The following IGFLR1 variants were observed in gnomAD, a reference collection of about 807,000 sequenced individuals.
The protein encoded by IGFLR1 is IGF like family receptor 1, also known as IGF-like family receptor 1.
IGFLR1 carries 17 observed loss-of-function variants against 23.4 expected under a neutral mutation model. The observed-to-expected ratio is 0.73, with a 90% CI of 0.50 to 1.09. The LOEUF (loss-of-function observed/expected upper bound fraction) is 1.09. Among genes scored for constraint, IGFLR1 ranks in the 50% least tolerant of loss-of-function variants. The pLI is 0.00. For missense variants in IGFLR1, 556 were observed against 459.2 expected (o/e 1.21, Z -1.93); for synonymous variants, 265 against 210.7 (o/e 1.26, Z -2.23).
Position 35,739,702 on chromosome 19 carries a change from G to A in IGFLR1, c.721+8C>T. 1 of 1,557,444 alleles carries A rather than the reference G, an allele frequency of 6.4e-7. No homozygotes were observed. The highest frequency in any genetic ancestry group is 8.7e-7 in the Non-Finnish European group (1 of 1,148,888). ...CCTTCCCTGCCCCGGGGCTCCTCCA[G>A]GACTAACCCCTGCTCAGGAGTGGAA... On this transcript the variant is annotated splice_region_variant and intron_variant, in intron 4 of 4. Transcript: ENST00000246532.
Position 35,739,183 on chromosome 19 carries a change from C to G in IGFLR1, c.*97G>C, listed in dbSNP as rs1599708845. On this transcript the variant is annotated 3_prime_UTR_variant, in exon 5 of 5. Coordinates refer to ENST00000246532, the MANE Select transcript of IGFLR1 (RefSeq NM_024660.4). ...CTAGGGCGAAGAGCAGTGAGGCTAT[C>G]TGTTGGGTCTTTGCCCAATTAGGAT... 2 of 1,146,464 alleles carry G rather than the reference C, an allele frequency of 1.7e-6. No homozygotes were observed. The highest frequency in any genetic ancestry group is 2.4e-6 in the Non-Finnish European group (2 of 818,632). 71.0% of individuals were successfully genotyped at this position (1,146,464 alleles called of 1,614,324 possible).
rs923732396 is a variant in IGFLR1, at chr19:35,739,403, C to T, written c.945G>A (p.Met315Ile). Residue 315 changes from methionine (M) to isoleucine (I), a missense_variant, in exon 5 of 5, where the codon ATG becomes ATA. Met to Ile is a conservative substitution (Grantham distance 10, BLOSUM62 1). Coordinates refer to ENST00000246532, the MANE Select transcript of IGFLR1 (RefSeq NM_024660.4). ...AGGCAGAGGGCTCCCTTGCCACCAC[C>T]ATCTCAATCAGAGCCCGCAGCGGCG... Reference protein sequence around the residue: ...SRSPLRALIEMVVAREPSASL... With the variant: ...SRSPLRALIEIVVAREPSASL... 1 of 1,613,704 alleles carries T rather than the reference C, an allele frequency of 6.2e-7. No individual in the cohort carries two copies. Among genetic ancestry groups the T allele is most frequent in the Non-Finnish European group, 8.5e-7 (1 of 1,179,910 alleles).
rs778589269 is a variant in IGFLR1 at position 35,740,361 on chromosome 19, C to A, written c.342+19G>T. 1.7e-4 allele frequency: 258 copies of A among 1,554,246 alleles called. No homozygotes were observed. Among genetic ancestry groups the A allele is most frequent in the Non-Finnish European group, 2.1e-4 (247 of 1,151,086 alleles). ...CCACCTCCAGCACGCCCTTGCCCTG[C>A]CGGGAGTCCCATCTGCACCTCTCTG... On this transcript the variant is annotated intron_variant, in intron 3 of 4. Transcript: ENST00000246532.
chr19:35,739,935 C>T lies in IGFLR1; in HGVS notation c.496G>A (p.Val166Met), dbSNP rs771491347. 1.2e-6 allele frequency: 2 copies of T among 1,614,132 alleles called. No individual in the cohort carries two copies. Among genetic ancestry groups the T allele is most frequent in the Non-Finnish European group, 1.7e-6 (2 of 1,180,014 alleles). Residue 166 changes from valine to methionine, a missense_variant, in exon 4 of 5, where the codon GTG becomes ATG. Coordinates refer to ENST00000246532, the MANE Select transcript of IGFLR1 (RefSeq NM_024660.4). The part of the protein sequence containing the change: ...QAWPNFLPLV[V>M]LVLLLTLAVI... ...GCCAAGGTCAGGAGCAGGACCAGCA[C>T]CACGAGCGGAAGGAAATTCGGCCAG...
intron 2 of IGFLR1, chr19:35,740,816 T>C (rs1970183644): frequency 1.6e-6 from 1 of 643,146 alleles, no homozygotes; most frequent in Non-Finnish European, 2.6e-6. Context: ...CTATCCCGCC[T>C]CTCCAGCCAT....
rs200340760 is a variant in IGFLR1, at chr19:35,740,084, G to A, written c.347C>T (p.Pro116Leu). ...GGGGCAGTGCCCCTTGGCAGGGACCGGCCTCTGGGGATAAGGGGTTGGAGT... is the reference window on the plus strand; with the variant it reads ...GGGGCAGTGCCCCTTGGCAGGGACCAGCCTCTGGGGATAAGGGGTTGGAGT... ...GRTPWRCRERPVPAKGHCPLT... is the reference protein window; with the variant it reads ...GRTPWRCRERLVPAKGHCPLT... The change falls in exon 4 of 5, where the codon CCG (proline) becomes CTG (leucine). Residue 116 changes from proline (P) to leucine (L), a missense_variant. Coordinates refer to ENST00000246532, the MANE Select transcript of IGFLR1 (RefSeq NM_024660.4). 1.0e-4 allele frequency: 161 copies of A among 1,610,222 alleles called. 2 individuals are homozygous for A. The highest frequency in any genetic ancestry group is 1.1e-4 in the African/African-American group (8 of 74,904).
At chr19:35,740,129 C>A in intron 3 of IGFLR1, 41 bp from the exon 4 acceptor site, 1 of 1,553,510 alleles carries the variant, frequency 6.4e-7, no homozygotes, top group East Asian at 2.3e-5. Flanking sequence ...GGCCACACTC[C>A]ACTCCTGCCC....
intron 2 of IGFLR1, 49 bp downstream of exon 2, chr19:35,740,975 C>A (rs895147138): frequency 6.3e-7 from 1 of 1,582,158 alleles, no homozygotes; most frequent in South Asian, 1.1e-5. Context: ...TCCCCGCTCC[C>A]TATCACCTGC....
chr19:35,740,909 A>G (rs933347629), intron 2 of IGFLR1, 115 bp downstream of exon 2: 3 of 982,388 alleles, frequency 3.1e-6, no homozygotes, highest in African/African-American at 3.3e-5. Flanking sequence ...CATAAGGCCC[A>G]CCGCTTAGAC....
In IGFLR1 at chr19:35,739,023, T is replaced by G. The variant is rs977815204; in HGVS notation, c.*257A>C. The G allele has an allele frequency of 1.3e-5, 7 of 534,202 alleles. No homozygotes were observed. The African/African-American group carries it at 1.3e-4, about 10-fold the overall frequency. 33.1% of individuals were successfully genotyped at this position (534,202 alleles called of 1,614,324 possible). A position where few individuals can be genotyped will look rare whatever the true frequency, so the allele number is the denominator to read the frequency against. ...AATTAGAAGTCAGTCATGGGGTCTG[T>G]TACGGCTTCAGAACAACACAACACA... On this transcript the variant is annotated 3_prime_UTR_variant, in exon 5 of 5. Coordinates refer to ENST00000246532, the MANE Select transcript of IGFLR1 (RefSeq NM_024660.4).
chr19:35,739,216 CAAG>C lies in IGFLR1; in HGVS notation c.*61_*63del, dbSNP rs954196830. On this transcript the variant is annotated 3_prime_UTR_variant, in exon 5 of 5. Transcript: ENST00000246532. ...TCTTTGCCCAATTAGGATTGTACTT[CAAG>C]AAGTACTTCAGTGCTAATTGTATAC... is the stretch of plus-strand genomic sequence containing the variant. 23 of 1,392,002 alleles carry C rather than the reference CAAG, an allele frequency of 1.7e-5. No homozygotes were observed. Among genetic ancestry groups the C allele is most frequent in the Non-Finnish European group, 1.9e-5 (20 of 1,035,652 alleles). 86.2% of individuals were successfully genotyped at this position (1,392,002 alleles called of 1,614,324 possible). A position where few individuals can be genotyped will look rare whatever the true frequency, so the allele number is the denominator to read the frequency against.
chr19:35,740,956 C>G lies in IGFLR1; in HGVS notation c.157+68G>C, dbSNP rs537171901. On this transcript the variant is annotated intron_variant, in intron 2 of 4. Transcript: ENST00000246532. Reference sequence around the variant, plus strand: ...CCTCTCTGGCCCGTAGCCCACAGACCTCGCCCCTTCCCCGCTCCCTATCAC... The same window carrying G: ...CCTCTCTGGCCCGTAGCCCACAGACGTCGCCCCTTCCCCGCTCCCTATCAC... The G allele has an allele frequency of 8.7e-6, 13 of 1,496,956 alleles. No homozygotes were observed. In the South Asian group the frequency reaches 1.4e-4, roughly 16 times the overall value. The allele number at this position is 1,496,956 out of a possible 1,614,324, so 92.7% of individuals were successfully genotyped here.
At position 35,739,324 on chromosome 19, in the gene IGFLR1, G is replaced by A. The variant is rs886430228; in HGVS notation, c.1024C>T (p.Arg342Trp). The part of the protein sequence containing the change: ...LAQLGRADAL[R>W]VLSKLGSSGV... ...GATGAGCCAAGCTTGGACAGCACCC[G>A]CAATGCATCTGCCCGCCCTAGCTGG... The change falls in exon 5 of 5, where the codon CGG (arginine) becomes TGG (tryptophan). Residue 342 changes from arginine to tryptophan, a missense_variant. Transcript: ENST00000246532. 2 of 1,608,116 alleles carry A rather than the reference G, an allele frequency of 1.2e-6. No homozygotes were observed. The highest frequency in any genetic ancestry group is 1.7e-6 in the Non-Finnish European group (2 of 1,176,920).
rs1244874714 is a variant in IGFLR1 at position 35,740,023 on chromosome 19, C to T, written c.408G>A (p.Gln136=). Reference sequence around the variant, plus strand: ...TGGAACTTGCTGGTGAGCTGCGCTCCTGGGAGCTAGGGGCGCCTGGGTTTC... The same window carrying T: ...TGGAACTTGCTGGTGAGCTGCGCTCTTGGGAGCTAGGGGCGCCTGGGTTTC... ...TPGNPGAPSS[Q]ERSSPASSIA... The change falls in exon 4 of 5, where the codon CAG becomes CAA. Residue 136 remains glutamine (Q), a synonymous_variant. Transcript: ENST00000246532. The T allele has an allele frequency of 1.2e-6, 2 of 1,613,974 alleles. No homozygotes were observed. Among genetic ancestry groups the T allele is most frequent in the African/African-American group, 1.3e-5 (1 of 74,928 alleles).
intron 2 of IGFLR1, 121 bp downstream of exon 2, chr19:35,740,903 A>C: frequency 1.1e-6 from 1 of 914,870 alleles, no homozygotes; most frequent in Non-Finnish European, 1.7e-6. Flanking sequence ...GATCTGCATA[A>C]GGCCCACCGC....
rs1970199321 is a variant in IGFLR1, at chr19:35,741,023, C to A, written c.157+1G>T. On this transcript the variant is annotated splice_donor_variant, in intron 2 of 4. Coordinates refer to ENST00000246532, the MANE Select transcript of IGFLR1 (RefSeq NM_024660.4). LOFTEE classifies it high-confidence loss of function. Reference sequence around the variant, plus strand: ...AGCAAGGCTCGGTCTCGGATTCTCACCCGGGCAGGGGGGCGGCCCGAAGCG... The same window carrying A: ...AGCAAGGCTCGGTCTCGGATTCTCAACCGGGCAGGGGGGCGGCCCGAAGCG... The A allele has an allele frequency of 1.2e-6, 2 of 1,611,674 alleles. No homozygotes were observed. The highest frequency in any genetic ancestry group is 1.7e-5 in the Admixed American group (1 of 59,714).
intron 2 of IGFLR1, 161 bp from the exon 3 acceptor site, chr19:35,740,725 C>T: frequency 1.4e-6 from 1 of 720,638 alleles, no homozygotes; most frequent in Non-Finnish European, 2.2e-6. Context: ...CTCGCCTTTT[C>T]ACCCCCCTCC....
chr19:35,740,397 G>A lies in IGFLR1; in HGVS notation c.325C>T (p.Pro109Ser). ...PTPAAGGGRT[P>S]WRCRERPVPA... ...ATCTGCACCTCTCTGCAGCGCCACG[G>A]GGTTCTGCCCCCGCCCGCGGCGGGA... The change falls in exon 3 of 5, where the codon CCG becomes TCG. Residue 109 changes from proline to serine, a missense_variant. By Grantham distance (74) the Pro-to-Ser change is moderately conservative. Coordinates refer to ENST00000246532, the MANE Select transcript of IGFLR1 (RefSeq NM_024660.4). 6.2e-7 allele frequency: 1 copy of A among 1,600,958 alleles called. No individual in the cohort carries two copies. Among genetic ancestry groups the A allele is most frequent in the Non-Finnish European group, 8.5e-7 (1 of 1,174,826 alleles).
rs1262532856 is a variant in IGFLR1, at chr19:35,739,164, C to T, written c.*116G>A. The T allele has an allele frequency of 7.8e-6, 8 of 1,027,226 alleles. No individual in the cohort carries two copies. Among genetic ancestry groups the T allele is most frequent in the South Asian group, 1.7e-5 (1 of 58,316 alleles). The allele number at this position is 1,027,226 out of a possible 1,614,324, so 63.6% of individuals were successfully genotyped here. On this transcript the variant is annotated 3_prime_UTR_variant, in exon 5 of 5. Transcript: ENST00000246532. ...TATGTTGGAATAGGCCCTTCTAGGG[C>T]GAAGAGCAGTGAGGCTATCTGTTGG...
Sources: gnomAD v4.1 joint callset for allele counts on GRCh38, gnomAD v4.1.1 for gene constraint, MANE v1.5 for transcripts, NCBI Gene and HGNC (gene_info 2026-07-23, HGNC 2026-07-21) for gene names.